AHR: variants seen among roughly 807,000 people sequenced by gnomAD.
The protein encoded by AHR is AH-receptor.
In AHR, 40 loss-of-function variants were observed where a neutral mutation model predicts 86.8. The ratio of observed to expected loss-of-function variants is 0.46; its 90% confidence interval spans 0.36 to 0.60. The LOEUF (loss-of-function observed/expected upper bound fraction) is 0.60. Among genes scored for constraint, AHR ranks in the 20% least tolerant of loss-of-function variants. AHR has a pLI of 0.00. For synonymous variants in AHR, 398 were observed against 354.9 expected, an observed-to-expected ratio of 1.12 and a Z score of -1.37; for missense variants, 1,001 against 1,011.6, an observed-to-expected ratio of 0.99 and a Z score of 0.14.
chr7:17,333,338 T>G (rs377273669), intron 6 of AHR, among the ~76,000 whole-genome samples: 11 of 151,970 alleles, frequency 7.2e-5, no homozygotes, highest in African/African-American at 2.2e-4. Flanking sequence ...CAATTAAATA[T>G]ATCATGTTCA....
intron 2 of AHR, among the ~76,000 whole-genome samples, chr7:17,313,958 C>T (rs1297598411): frequency 1.3e-5 from 2 of 152,080 alleles, no homozygotes; most frequent in African/African-American, 4.8e-5. Flanking sequence ...TCAATCTAAT[C>T]AGCATTGTAA....
chr7:17,324,952 C>T (rs1223707394), intron 3 of AHR, among the ~76,000 whole-genome samples: 1 of 152,140 alleles, frequency 6.6e-6, no homozygotes, highest in Non-Finnish European at 1.5e-5. Flanking sequence ...AAATATATCT[C>T]TTGCTATTTA....
chr7:17,305,990 A>G (rs2282885), intron 1 of AHR, among the ~76,000 whole-genome samples: 40,797 of 152,024 alleles, frequency 0.27, 6,993 homozygotes, highest in Non-Finnish European at 0.39. Context: ...TTGATTTCAT[A>G]ACAATTTTAC....
At chr7:17,309,796 A>G in intron 1 of AHR, 140 bp from the exon 2 acceptor site, 1 of 670,536 alleles carries the variant, frequency 1.5e-6, no homozygotes, top group East Asian at 2.8e-5. Flanking sequence ...GGAAGATTTT[A>G]GAAAGACTTA....
At position 17,339,518 on chromosome 7, in the gene AHR, G is replaced by T; in HGVS notation, c.1693G>T (p.Asp565Tyr). 6.2e-7 allele frequency: 1 copy of T among 1,613,962 alleles called. No individual in the cohort carries two copies. Among genetic ancestry groups the T allele is most frequent in the South Asian group, 1.1e-5 (1 of 91,022 alleles). ...GCAGAATGAAAAATTTTTCAGAAAT[G>T]ATTTTTCTGGTGAGGTTGACTTCAG... ...HMQNEKFFRNDFSGEVDFRDI... is the reference protein window; with the variant it reads ...HMQNEKFFRNYFSGEVDFRDI... Residue 565 changes from aspartate (D) to tyrosine (Y), a missense_variant, in exon 10 of 11, where the codon GAT becomes TAT. Asp to Tyr is a radical substitution (Grantham distance 160). Around this residue, in one of 2 missense-constraint regions of AHR, gnomAD observed 607 missense variants for 543.1 expected, o/e 1.12. Transcript: ENST00000242057.
In AHR at chr7:17,339,557, A is replaced by T. The variant is rs760992696; in HGVS notation, c.1732A>T (p.Thr578Ser). 5.6e-6 allele frequency: 9 copies of T among 1,614,204 alleles called. No homozygotes were observed. The East Asian group carries it at 1.6e-4, about 28-fold the overall frequency. ...GEVDFRDIDL[T>S]DEILTYVQDS... The stretch of plus-strand genomic sequence containing the variant: ...GGTTGACTTCAGAGACATTGACTTA[A>T]CGGATGAAATCCTGACGTATGTCCA... Residue 578 changes from threonine (T) to serine (S), a missense_variant, in exon 10 of 11, where the codon ACG becomes TCG. Coordinates refer to ENST00000242057, the MANE Select transcript of AHR (RefSeq NM_001621.5).
intron 4 of AHR, among the ~76,000 whole-genome samples, chr7:17,328,142 T>C (rs922425668): frequency 8.6e-5 from 13 of 151,936 alleles, no homozygotes; most frequent in African/African-American, 3.1e-4. Context: ...TTATTTGCTA[T>C]CAAATAACTT....
At chr7:17,300,259 T>G (rs986688656) in intron 1 of AHR, among the ~76,000 whole-genome samples, 2 of 152,212 alleles carry the variant, frequency 1.3e-5, no homozygotes, top group African/African-American at 4.8e-5. Flanking sequence ...GTGAGGTGGT[T>G]GTATTCATGT....
At chr7:17,324,947 T>C (rs1018782034) in intron 3 of AHR, among the ~76,000 whole-genome samples, 4 of 152,240 alleles carry the variant, frequency 2.6e-5, no homozygotes, top group African/African-American at 9.6e-5. Context: ...GTTTAAAATA[T>C]ATCTCTTGCT....
chr7:17,320,584 T>A (rs1434310378), intron 2 of AHR, among the ~76,000 whole-genome samples: 1 of 152,146 alleles, frequency 6.6e-6, no homozygotes, highest in Non-Finnish European at 1.5e-5. Flanking sequence ...CAAGTGTTAC[T>A]GATGCTTCAT....
At position 17,343,301 on chromosome 7, in the gene AHR, A is replaced by G. The variant is rs1782445863; in HGVS notation, c.*237A>G. On this transcript the variant is annotated 3_prime_UTR_variant, in exon 11 of 11. Coordinates refer to ENST00000242057, the MANE Select transcript of AHR (RefSeq NM_001621.5). ...GAAAGGGTGCTGCCACGGAGTGGTG[A>G]GGTACCGTCTACATTTCACATTATT... 3 of 522,176 alleles carry G rather than the reference A, an allele frequency of 5.7e-6. No individual in the cohort carries two copies. The highest frequency in any genetic ancestry group is 4.0e-5 in the African/African-American group (2 of 50,608). The allele number at this position is 522,176 out of a possible 1,614,324, so 32.3% of individuals were successfully genotyped here.
intron 2 of AHR, among the ~76,000 whole-genome samples, chr7:17,313,663 C>G (rs762819818): frequency 5.3e-5 from 8 of 152,018 alleles, no homozygotes; most frequent in Admixed American, 2.6e-4. Flanking sequence ...TGAAATATAA[C>G]TTTAAAATAC....
At chr7:17,303,096 T>C (rs1781970696) in intron 1 of AHR, among the ~76,000 whole-genome samples, 1 of 152,120 alleles carries the variant, frequency 6.6e-6, no homozygotes, top group African/African-American at 2.4e-5. Flanking sequence ...ACTTTTATGC[T>C]TCTTTTAAAA....
In AHR at chr7:17,343,104, A is replaced by G; in HGVS notation, c.*40A>G. On this transcript the variant is annotated 3_prime_UTR_variant, in exon 11 of 11. Transcript: ENST00000242057. ...TTGACCCTGGTTTTTGGATTAAATT[A>G]GTTTGTGAAGGATTATGGAAAAATA... 6.2e-7 allele frequency: 1 copy of G among 1,604,690 alleles called. No homozygotes were observed.
intron 1 of AHR, among the ~76,000 whole-genome samples, chr7:17,308,658 T>C (rs1260583533): frequency 6.6e-6 from 1 of 151,924 alleles, no homozygotes; most frequent in Non-Finnish European, 1.5e-5. Flanking sequence ...TATACACAGT[T>C]GTACAGACAA....
At chr7:17,336,516 C>T (rs954987901) in intron 9 of AHR, among the ~76,000 whole-genome samples, 1 of 152,094 alleles carries the variant, frequency 6.6e-6, no homozygotes, top group Admixed American at 6.5e-5. Flanking sequence ...TTCAAGATTG[C>T]CTTGGTTCTT....
Position 17,344,555 on chromosome 7 carries a change from T to C in AHR, c.*1491T>C, listed in dbSNP as rs1326338965. 2 of 152,274 alleles carry C rather than the reference T, an allele frequency of 1.3e-5. No homozygotes were observed. Among genetic ancestry groups the C allele is most frequent in the Non-Finnish European group, 2.9e-5 (2 of 67,972 alleles). The allele number at this position is 152,274 out of a possible 1,614,324, so 9.4% of individuals were successfully genotyped here. A position where few individuals can be genotyped will look rare whatever the true frequency, so the allele number is the denominator to read the frequency against. On this transcript the variant is annotated 3_prime_UTR_variant, in exon 11 of 11. Transcript: ENST00000242057. ...ATGATATACTGATCTTCATTACCAA[T>C]AGGCAAATTAATCACCCTACCAACT...
Position 17,340,185 on chromosome 7 carries a change from A to G in AHR, c.2360A>G (p.Gln787Arg). ...EPQHTHVGQM[Q>R]YNPVLPGQQA... Reference sequence around the variant, plus strand: ...CAGCACACCCACGTGGGTCAGATGCAGTACAATCCAGTACTGCCAGGCCAA... The same window carrying G: ...CAGCACACCCACGTGGGTCAGATGCGGTACAATCCAGTACTGCCAGGCCAA... The change falls in exon 10 of 11, where the codon CAG (glutamine) becomes CGG (arginine). Residue 787 changes from glutamine to arginine, a missense_variant. Transcript: ENST00000242057. 1.9e-6 allele frequency: 3 copies of G among 1,613,256 alleles called. No individual in the cohort carries two copies. In the African/African-American group the frequency reaches 4.0e-5, roughly 22 times the overall value.
chr7:17,308,888 A>G (rs1782033525), intron 1 of AHR, among the ~76,000 whole-genome samples: 1 of 152,258 alleles, frequency 6.6e-6, no homozygotes, highest in Non-Finnish European at 1.5e-5. Flanking sequence ...GCCAATTTCT[A>G]CTTTACAAAA....
Sources: allele counts gnomAD v4.1 joint callset (sites outside exome capture counted in the v4.1 genomes callset), GRCh38; gene constraint gnomAD v4.1.1; regional missense constraint gnomAD v4.1.1; transcripts MANE v1.5; gene names NCBI Gene and HGNC (gene_info 2026-07-23, HGNC 2026-07-21).